Variants in NELL2 observed in about 807,000 individuals in gnomAD.
NELL2 encodes the protein neural EGFL like 2, also known as protein kinase C-binding protein NELL2.
A neutral mutation model predicts 109.6 loss-of-function variants in NELL2; 41 were observed. The ratio of observed to expected loss-of-function variants is 0.37; its 90% CI spans 0.29 to 0.49. The LOEUF (loss-of-function observed/expected upper bound fraction) is 0.49, where lower values mean the gene tolerates loss of function less well. Ranked by LOEUF, NELL2 falls within the 20% of genes least tolerant of loss-of-function variation. The pLI is 0.98. For synonymous variants in NELL2, 355 were observed against 344.7 expected (o/e 1.03, Z -0.33); for missense variants, 900 against 1,008.3 (o/e 0.89, Z 1.45).
At chr12:44,537,600 G>A (rs951460367) in intron 15 of NELL2, among the ~76,000 whole-genome samples, 2 of 152,010 alleles carry the variant, frequency 1.3e-5, no homozygotes, top group African/African-American at 4.8e-5. Context: ...TACATGCACT[G>A]TAGTTAAATT....
At chr12:44,727,092 T>C (rs893221553) in intron 9 of NELL2, among the ~76,000 whole-genome samples, 1 of 152,144 alleles carries the variant, frequency 6.6e-6, no homozygotes. Context: ...CCTCAAGGGA[T>C]ACTAATGCTG....
At chr12:44,777,148 G>A in intron 6 of NELL2, 24 bp from the exon 7 acceptor site, 9 of 1,612,826 alleles carry the variant, frequency 5.6e-6, no homozygotes, top group Non-Finnish European at 7.6e-6. Context: ...CACTACATTT[G>A]GTCAAGATGC....
chr12:44,764,865 A>G (rs939659289), intron 9 of NELL2, among the ~76,000 whole-genome samples: 1 of 152,178 alleles, frequency 6.6e-6, no homozygotes, highest in Non-Finnish European at 1.5e-5. Flanking sequence ...AGAGAAAAAA[A>G]AAAGCAATAC....
At chr12:44,837,616 C>A (rs1416918200) in intron 2 of NELL2, among the ~76,000 whole-genome samples, 1 of 152,168 alleles carries the variant, frequency 6.6e-6, no homozygotes, top group African/African-American at 2.4e-5. Context: ...ATAATCTCAT[C>A]TGATTATCAC....
chr12:44,731,705 T>C lies in NELL2; in HGVS notation c.995-16964A>G, dbSNP rs182793501. Among the ~76,000 whole-genome samples, 47 of 152,216 alleles carry C rather than the reference T, an allele frequency of 3.1e-4. No homozygotes were observed. The East Asian group carries it at 3.9e-3, about 12-fold the overall frequency. ...ACTACAAAGCAAGTTTGTTCACTTT[T>C]AGCACTTTTCTTCAACAAAGTACTA... On this transcript the variant is annotated intron_variant, in intron 9 of 19. Coordinates refer to ENST00000429094, the MANE Select transcript of NELL2 (RefSeq NM_001145108.2).
chr12:44,548,182 T>C (rs12298472), intron 15 of NELL2, among the ~76,000 whole-genome samples: 5,321 of 152,212 alleles, frequency 0.035, 331 homozygotes, highest in African/African-American at 0.12. Flanking sequence ...ACGAGTGGGA[T>C]GCATTTGGAT....
chr12:44,647,061 C>T (rs1592264618), intron 13 of NELL2, among the ~76,000 whole-genome samples: 1 of 152,212 alleles, frequency 6.6e-6, no homozygotes. Flanking sequence ...TCAAGACAAA[C>T]TTCCACAGTG....
rs1939008254 is a variant in NELL2 at position 44,725,182 on chromosome 12, C to A, written c.995-10441G>T. On this transcript the variant is annotated intron_variant, in intron 9 of 19. Transcript: ENST00000429094. ...TAAAAACTCTGGAAGACAACCTGGG[C>A]AATACCATTCTGGACATAGGAATGG... Among the ~76,000 whole-genome samples the A allele has an allele frequency of 2.6e-5, 4 of 152,098 alleles. No homozygotes were observed. The South Asian group carries it at 8.3e-4, about 32-fold the overall frequency.
At chr12:44,691,728 T>A (rs1436224843) in intron 12 of NELL2, among the ~76,000 whole-genome samples, 2 of 152,152 alleles carry the variant, frequency 1.3e-5, no homozygotes, top group South Asian at 4.1e-4. Flanking sequence ...ATTGATGACA[T>A]GGAGAAAGTA....
At chr12:44,537,469 T>A (rs1942345288) in intron 15 of NELL2, among the ~76,000 whole-genome samples, 1 of 152,110 alleles carries the variant, frequency 6.6e-6, no homozygotes, top group Non-Finnish European at 1.5e-5. Context: ...TTTTTTTGGA[T>A]GAGTCTACTG....
intron 14 of NELL2, among the ~76,000 whole-genome samples, chr12:44,610,264 AAAC>A (rs1945567937): frequency 6.6e-6 from 1 of 151,902 alleles, no homozygotes; most frequent in South Asian, 2.1e-4. Flanking sequence ...ACAAAAAAAA[AAAC>A]TGTCCTACTG....
intron 13 of NELL2, among the ~76,000 whole-genome samples, chr12:44,627,200 T>C (rs1173050553): frequency 6.6e-6 from 1 of 152,182 alleles, no homozygotes; most frequent in Non-Finnish European, 1.5e-5. Context: ...AAATCCTGCA[T>C]ACATATTTGA....
At chr12:44,668,554 C>G (rs1245595796) in intron 12 of NELL2, among the ~76,000 whole-genome samples, 1 of 152,120 alleles carries the variant, frequency 6.6e-6, no homozygotes, top group Non-Finnish European at 1.5e-5. Flanking sequence ...CTGCTGCCAC[C>G]ACTGCTGGTG....
chr12:44,534,875 G>C (rs1942227764), intron 15 of NELL2, among the ~76,000 whole-genome samples: 1 of 151,974 alleles, frequency 6.6e-6, no homozygotes, highest in South Asian at 2.1e-4. Flanking sequence ...CTTCAAATTA[G>C]TCCTTTCTTC....
chr12:44,749,009 A>G (rs1038840690), intron 9 of NELL2, among the ~76,000 whole-genome samples: 2 of 152,194 alleles, frequency 1.3e-5, no homozygotes, highest in African/African-American at 4.8e-5. Flanking sequence ...TATTAAATTA[A>G]TATCACTCAT....
chr12:44,830,772 T>C (rs917115148), intron 2 of NELL2, among the ~76,000 whole-genome samples: 4 of 151,964 alleles, frequency 2.6e-5, no homozygotes, highest in Non-Finnish European at 5.9e-5. Context: ...TGGCCCAGTC[T>C]ACAAAGTTGA....
intron 3 of NELL2, among the ~76,000 whole-genome samples, chr12:44,788,894 C>A (rs1942278641): frequency 6.6e-6 from 1 of 151,970 alleles, no homozygotes. Flanking sequence ...CCAGCTTTCC[C>A]CCACTTCCCT....
chr12:44,760,105 C>T (rs1184951349), intron 9 of NELL2, among the ~76,000 whole-genome samples: 2 of 152,136 alleles, frequency 1.3e-5, no homozygotes, highest in African/African-American at 4.8e-5. Flanking sequence ...CTCCTTGCCT[C>T]CTCATATACA....
chr12:44,584,441 A>C (rs1367145159), intron 15 of NELL2, among the ~76,000 whole-genome samples: 1 of 152,232 alleles, frequency 6.6e-6, no homozygotes, highest in Non-Finnish European at 1.5e-5. Flanking sequence ...TCTTTGTGCC[A>C]ACAAATCTAT....
Sources: allele counts gnomAD v4.1 joint callset (sites outside exome capture counted in the v4.1 genomes callset), GRCh38; gene constraint gnomAD v4.1.1; transcripts MANE v1.5; gene names NCBI Gene and HGNC (gene_info 2026-07-23, HGNC 2026-07-21).